The following SWT1 variants were observed in gnomAD, a reference collection of about 807,000 sequenced individuals.
SWT1 encodes the protein SWT1 RNA endoribonuclease homolog, also known as transcriptional protein SWT1.
A neutral mutation model predicts 107.3 loss-of-function variants in SWT1; 33 were observed. That is an observed-to-expected ratio of 0.31 (90% CI 0.23 to 0.41). The LOEUF (loss-of-function observed/expected upper bound fraction) is 0.41. SWT1 is among the 10% of genes least tolerant of loss of function. The probability of loss-of-function intolerance (pLI) is 1.00; values close to 1 mark genes in which losing one functional copy is unlikely to be tolerated. For missense variants in SWT1, 898 were observed against 1,028.9 expected (o/e 0.87, Z 1.74); for synonymous variants, 345 against 348.3 (o/e 0.99, Z 0.11).
chr1:185,198,586 A>G (rs1031283610), intron 10 of SWT1, among the ~76,000 whole-genome samples: 1 of 152,138 alleles, frequency 6.6e-6, no homozygotes, highest in Admixed American at 6.5e-5. Flanking sequence ...GTAGGTCTCT[A>G]AGAACTTGCT....
intron 13 of SWT1, among the ~76,000 whole-genome samples, chr1:185,209,673 C>T (rs555027345): frequency 6.6e-5 from 10 of 152,192 alleles, no homozygotes; most frequent in East Asian, 1.9e-4. Flanking sequence ...TGAACAGTGC[C>T]GCAGTAAACA....
intron 14 of SWT1, among the ~76,000 whole-genome samples, chr1:185,217,001 A>C (rs1273175552): frequency 2.0e-5 from 3 of 152,098 alleles, no homozygotes; most frequent in African/African-American, 7.2e-5. Flanking sequence ...CTTGTTAATA[A>C]ATTATTTATT....
At chr1:185,199,445 TG>T (rs2102440749) in intron 10 of SWT1, among the ~76,000 whole-genome samples, 1 of 152,300 alleles carries the variant, frequency 6.6e-6, no homozygotes, top group East Asian at 1.9e-4. Flanking sequence ...GGAGGCCTGG[TG>T]GTGACAGAAT....
rs187737429 is a variant in SWT1, at chr1:185,261,569, A to G, written c.2442-9754A>G. On this transcript the variant is annotated intron_variant, in intron 16 of 18. Coordinates refer to ENST00000367500, the MANE Select transcript of SWT1 (RefSeq NM_017673.7). ...CCTATTTTTAATATTGTCAGGAACT[A>G]CCATACTGTTTTTCATCACAGCTGG... 4.1e-3 allele frequency among the ~76,000 whole-genome samples: 619 copies of G among 152,216 alleles called. 6 individuals are homozygous for G. Among genetic ancestry groups the G allele is most frequent in the African/African-American group, 0.014 (591 of 41,552 alleles).
At chr1:185,219,998 A>T (rs888024339) in intron 14 of SWT1, among the ~76,000 whole-genome samples, 3 of 151,950 alleles carry the variant, frequency 2.0e-5, no homozygotes, top group Non-Finnish European at 2.9e-5. Flanking sequence ...AAAAAAAATT[A>T]GCTGGGCCTG....
chr1:185,215,824 G>A (rs1659176148), intron 14 of SWT1, among the ~76,000 whole-genome samples: 1 of 152,078 alleles, frequency 6.6e-6, no homozygotes. Flanking sequence ...ACAGGTGTGA[G>A]GTACTGTGCC....
At chr1:185,200,241 T>C (rs1657759297) in intron 10 of SWT1, among the ~76,000 whole-genome samples, 1 of 152,186 alleles carries the variant, frequency 6.6e-6, no homozygotes, top group African/African-American at 2.4e-5. Context: ...TTCTGAAGCC[T>C]ACTTCTGTCA....
At chr1:185,247,750 A>G in intron 16 of SWT1, among the ~76,000 whole-genome samples, 1 of 152,164 alleles carries the variant, frequency 6.6e-6, no homozygotes, top group East Asian at 1.9e-4. Context: ...TGTTTTAGAA[A>G]TATATGAGAT....
At chr1:185,174,074 T>G (rs960228577) in intron 4 of SWT1, among the ~76,000 whole-genome samples, 6 of 152,070 alleles carry the variant, frequency 3.9e-5, no homozygotes, top group Non-Finnish European at 8.8e-5. Flanking sequence ...TTTTTAAGGG[T>G]TTAATATGAA....
At chr1:185,280,034 C>T (rs1351624283) in intron 18 of SWT1, among the ~76,000 whole-genome samples, 2 of 151,694 alleles carry the variant, frequency 1.3e-5, no homozygotes, top group East Asian at 3.9e-4. Context: ...GTTTTGTGTC[C>T]CCACCCAAAT....
intron 10 of SWT1, among the ~76,000 whole-genome samples, chr1:185,193,735 G>T (rs939067894): frequency 6.6e-6 from 1 of 152,176 alleles, no homozygotes; most frequent in African/African-American, 2.4e-5. Context: ...AAAGTGCTGG[G>T]ATTACAGGCA....
chr1:185,164,461 C>G (rs1352763514), intron 2 of SWT1, among the ~76,000 whole-genome samples: 1 of 152,238 alleles, frequency 6.6e-6, no homozygotes, highest in East Asian at 1.9e-4. Flanking sequence ...ATGGCATCAT[C>G]TTTCAATATA....
chr1:185,235,436 A>G (rs953812077), intron 16 of SWT1, among the ~76,000 whole-genome samples: 1 of 152,340 alleles, frequency 6.6e-6, no homozygotes, highest in South Asian at 2.1e-4. Context: ...GTAATCCAGC[A>G]TATAAACAGA....
At chr1:185,208,047 A>G (rs1318771141) in intron 13 of SWT1, among the ~76,000 whole-genome samples, 5 of 152,130 alleles carry the variant, frequency 3.3e-5, no homozygotes, top group Non-Finnish European at 7.4e-5. Context: ...CTGAAGCATA[A>G]CTCTGATGGC....
At chr1:185,280,631 C>A (rs1016687807) in intron 18 of SWT1, among the ~76,000 whole-genome samples, 1 of 152,150 alleles carries the variant, frequency 6.6e-6, no homozygotes, top group Non-Finnish European at 1.5e-5. Flanking sequence ...AGCTCTACCC[C>A]CTATCCTCTC....
At chr1:185,174,313 A>G (rs947264985) in intron 4 of SWT1, 59 bp from the exon 5 acceptor site, 14 of 1,324,106 alleles carry the variant, frequency 1.1e-5, no homozygotes, top group Admixed American at 5.8e-5. Context: ...AACTAAAATG[A>G]TAGAGTGCAA....
intron 16 of SWT1, among the ~76,000 whole-genome samples, chr1:185,269,984 T>A (rs1381650774): frequency 6.6e-6 from 1 of 152,236 alleles, no homozygotes; most frequent in East Asian, 1.9e-4. Context: ...TCAAAGAGCA[T>A]CTTTATTAGA....
chr1:185,178,979 A>T (rs1243823789), intron 5 of SWT1, among the ~76,000 whole-genome samples: 1 of 152,128 alleles, frequency 6.6e-6, no homozygotes, highest in African/African-American at 2.4e-5. Context: ...TACTTGTTTA[A>T]AGAGTGTTTG....
intron 7 of SWT1, among the ~76,000 whole-genome samples, chr1:185,182,718 A>G (rs892540791): frequency 2.0e-5 from 3 of 149,242 alleles, no homozygotes; most frequent in Admixed American, 6.7e-5. Context: ...GCTTGAAGGT[A>G]TTATATTTAT....
Sources: gnomAD v4.1 joint callset for allele counts (sites outside exome capture counted in the v4.1 genomes callset) on GRCh38, gnomAD v4.1.1 for gene constraint, MANE v1.5 for transcripts, NCBI Gene and HGNC (gene_info 2026-07-23, HGNC 2026-07-21) for gene names.